Variants in SLC9A9 observed in about 807,000 individuals in gnomAD.
The protein encoded by SLC9A9 is sodium/hydrogen exchanger 9.
Under a neutral mutation model 77.8 loss-of-function variants are expected in SLC9A9, and 62 were observed. The ratio of observed to expected loss-of-function variants is 0.80; its 90% CI spans 0.65 to 0.98. SLC9A9 has a LOEUF of 0.98. Among genes scored for constraint, SLC9A9 ranks in the 50% least tolerant of loss-of-function variants. The pLI, the probability that SLC9A9 is intolerant of heterozygous loss-of-function variation, is 0.00. For synonymous variants in SLC9A9, 320 were observed against 283.5 expected, an observed-to-expected ratio of 1.13 and a Z score of -1.29; for missense variants, 775 against 774.9, an observed-to-expected ratio of 1.00 and a Z score of 0.00.
chr3:143,679,261 A>C (rs1933003247), intron 5 of SLC9A9, among the ~76,000 whole-genome samples: 1 of 152,210 alleles, frequency 6.6e-6, no homozygotes, highest in South Asian at 2.1e-4. Flanking sequence ...GCAGGTGTTC[A>C]TGGGGGAAAT....
chr3:143,656,783 T>C (rs886749963), intron 5 of SLC9A9, among the ~76,000 whole-genome samples: 5 of 152,220 alleles, frequency 3.3e-5, no homozygotes, highest in African/African-American at 4.8e-5. Context: ...GTATGACACT[T>C]GTCCATGACA....
intron 6 of SLC9A9, among the ~76,000 whole-genome samples, chr3:143,597,328 C>T (rs2037771794): frequency 6.6e-6 from 1 of 152,076 alleles, no homozygotes; most frequent in Non-Finnish European, 1.5e-5. Flanking sequence ...ATGGTGGGCA[C>T]GCTGGCGTCC....
intron 12 of SLC9A9, among the ~76,000 whole-genome samples, chr3:143,390,563 G>T (rs189762149): frequency 5.9e-4 from 90 of 152,308 alleles, no homozygotes; most frequent in African/African-American, 2.1e-3. Flanking sequence ...TCCAACTGAG[G>T]TACCAGGTTC....
intron 14 of SLC9A9, among the ~76,000 whole-genome samples, chr3:143,354,374 A>G (rs1425562500): frequency 6.6e-6 from 1 of 152,232 alleles, no homozygotes; most frequent in Non-Finnish European, 1.5e-5. Context: ...ATTGAGAATC[A>G]TCACCATCTA....
intron 4 of SLC9A9, among the ~76,000 whole-genome samples, chr3:143,720,775 G>C (rs902123887): frequency 1.3e-5 from 2 of 149,646 alleles, no homozygotes; most frequent in Non-Finnish European, 2.9e-5. Context: ...CAGAGTGCTG[G>C]AAAGTGCCTG....
In SLC9A9 at chr3:143,474,033, GT is replaced by G. The variant is rs201283671; in HGVS notation, c.1316-6844del. ...ATGTGAGGGGAGGGATGTTAGCATG[GT>G]TAGGAAAGCCTCTCTGGTTAGGTGA... On this transcript the variant is annotated intron_variant, in intron 11 of 15. Transcript: ENST00000316549. Among the ~76,000 whole-genome samples, 1,369 of 152,318 alleles carry G rather than the reference GT, an allele frequency of 9.0e-3. 21 individuals carry two copies. Among genetic ancestry groups the G allele is most frequent in the African/African-American group, 0.031 (1,279 of 41,554 alleles).
At chr3:143,413,499 G>T (rs1334507028) in intron 12 of SLC9A9, among the ~76,000 whole-genome samples, 1 of 152,190 alleles carries the variant, frequency 6.6e-6, no homozygotes, top group East Asian at 1.9e-4. Flanking sequence ...GGGGCAGTGG[G>T]AGCCACTGTA....
chr3:143,713,343 G>A (rs145457039), intron 4 of SLC9A9, among the ~76,000 whole-genome samples: 7 of 152,168 alleles, frequency 4.6e-5, no homozygotes, highest in Non-Finnish European at 8.8e-5. Context: ...AGATACTGGA[G>A]GTTAGAAACA....
At chr3:143,702,435 G>A (rs1300612724) in intron 4 of SLC9A9, among the ~76,000 whole-genome samples, 3 of 152,062 alleles carry the variant, frequency 2.0e-5, no homozygotes, top group African/African-American at 7.2e-5. Context: ...AAGTTAAAGT[G>A]TAGAGTTTTT....
intron 4 of SLC9A9, among the ~76,000 whole-genome samples, chr3:143,733,565 G>A (rs1934863144): frequency 6.6e-6 from 1 of 152,116 alleles, no homozygotes; most frequent in South Asian, 2.1e-4. Context: ...GGGAGAAGTA[G>A]AGTAGAAAGA....
chr3:143,559,802 C>T (rs2037050266), intron 8 of SLC9A9, among the ~76,000 whole-genome samples: 1 of 152,170 alleles, frequency 6.6e-6, no homozygotes, highest in Non-Finnish European at 1.5e-5. Context: ...CTCCAAAAGT[C>T]TTCTCCATGT....
intron 14 of SLC9A9, among the ~76,000 whole-genome samples, chr3:143,328,364 T>C (rs1354482219): frequency 2.0e-5 from 3 of 152,240 alleles, no homozygotes; most frequent in South Asian, 2.1e-4. Context: ...TATAATCCCT[T>C]GGTTTTCAGA....
chr3:143,294,558 CA>C (rs1181011692), intron 14 of SLC9A9, among the ~76,000 whole-genome samples: 1 of 152,126 alleles, frequency 6.6e-6, no homozygotes. Context: ...ATTAGCTATC[CA>C]AATAATGCAA....
At chr3:143,751,852 A>G (rs1249287317) in intron 4 of SLC9A9, among the ~76,000 whole-genome samples, 1 of 152,204 alleles carries the variant, frequency 6.6e-6, no homozygotes, top group Non-Finnish European at 1.5e-5. Context: ...GAAGACTCAA[A>G]TGAAATAGGC....
chr3:143,749,139 G>T (rs1935274579), intron 4 of SLC9A9, among the ~76,000 whole-genome samples: 1 of 151,876 alleles, frequency 6.6e-6, no homozygotes, highest in South Asian at 2.1e-4. Flanking sequence ...ATAAACACAT[G>T]GTTTATATAT....
intron 2 of SLC9A9, 117 bp from the exon 3 acceptor site, chr3:143,797,020 A>G (rs2008404095): frequency 2.7e-6 from 2 of 750,686 alleles, no homozygotes; most frequent in Admixed American, 2.5e-5. Context: ...CATATTAACT[A>G]TTAACTTGGC....
In SLC9A9 at chr3:143,502,916, A is replaced by G. The variant is rs2035949190; in HGVS notation, c.1090-7468T>C. On this transcript the variant is annotated intron_variant, in intron 9 of 15. Coordinates refer to ENST00000316549, the MANE Select transcript of SLC9A9 (RefSeq NM_173653.4). Reference sequence around the variant, plus strand: ...ACAGAATATCTCAGATTTCATTTTTATATACTATTAAGTATATCCATAGCT... The same window carrying G: ...ACAGAATATCTCAGATTTCATTTTTGTATACTATTAAGTATATCCATAGCT... 2.0e-5 allele frequency among the ~76,000 whole-genome samples: 3 copies of G among 152,202 alleles called. No homozygotes were observed. The South Asian group carries it at 6.2e-4, about 31-fold the overall frequency.
intron 13 of SLC9A9, among the ~76,000 whole-genome samples, chr3:143,381,093 C>G (rs1212534585): frequency 2.6e-5 from 4 of 152,180 alleles, no homozygotes; most frequent in Non-Finnish European, 4.4e-5. Flanking sequence ...TAGTGCAAAA[C>G]TGACATTGAT....
At chr3:143,530,315 TC>T (rs897590866) in intron 9 of SLC9A9, among the ~76,000 whole-genome samples, 9 of 152,264 alleles carry the variant, frequency 5.9e-5, no homozygotes, top group African/African-American at 2.2e-4. Flanking sequence ...GGGGGCTGTT[TC>T]CCCCATACTG....
Sources: gnomAD v4.1 joint callset for allele counts (sites outside exome capture counted in the v4.1 genomes callset) on GRCh38, gnomAD v4.1.1 for gene constraint, MANE v1.5 for transcripts, NCBI Gene and HGNC (gene_info 2026-07-23, HGNC 2026-07-21) for gene names.